Variants in PKD1 observed in about 807,000 individuals in gnomAD.
PKD1 encodes polycystin 1, transient receptor potential channel interacting.
In PKD1, 81 loss-of-function variants were observed where a neutral mutation model predicts 361.7. The observed-to-expected ratio is 0.22, with a 90% CI of 0.19 to 0.27. The LOEUF is 0.27. Ranked by LOEUF, PKD1 falls within the 10% of genes least tolerant of loss-of-function variation. PKD1 has a pLI of 1.00. For missense variants in PKD1, 6,399 were observed against 6,118.3 expected (o/e 1.05, Z -1.53); for synonymous variants, 3,615 against 2,818.3 (o/e 1.28, Z -8.95).
At position 2,111,014 on chromosome 16, in the gene PKD1, G is replaced by A. The variant is rs376217269; in HGVS notation, c.4153C>T (p.Leu1385=). 4.3e-5 allele frequency: 70 copies of A among 1,610,550 alleles called. No homozygotes were observed. Among genetic ancestry groups the A allele is most frequent in the Non-Finnish European group, 5.6e-5 (66 of 1,179,788 alleles). ...CVEPEVGNVT[L]QPERQFVQLG... is the part of the protein sequence containing the mutation. ...TGCACAAACTGCCTCTCTGGCTGCA[G>A]GGTGACGTTGCCCACCTCTGGCTCC... Residue 1385 remains leucine, a synonymous_variant, in exon 15 of 46, where the codon CTG becomes TTG. Coordinates refer to ENST00000262304, the MANE Select transcript of PKD1 (RefSeq NM_001009944.3).
In PKD1 at chr16:2,093,982, C is replaced by A; in HGVS notation, c.10650G>T (p.Leu3550=). 6.3e-7 allele frequency: 1 copy of A among 1,587,528 alleles called. No individual in the cohort carries two copies. The highest frequency in any genetic ancestry group is 8.5e-7 in the Non-Finnish European group (1 of 1,169,660). The change falls in exon 36 of 46, where the codon CTG becomes CTT. Residue 3550 remains leucine (L), a synonymous_variant. Coordinates refer to ENST00000262304, the MANE Select transcript of PKD1 (RefSeq NM_001009944.3). ...GLVEGLRKRL[L]PAWCASLAHG... The stretch of plus-strand genomic sequence containing the variant: ...GGGCCAGGGAGGCACACCAGGCCGG[C>A]AGCAGGCGCTTCCGCAGACCCTCCA...
At position 2,109,409 on chromosome 16, in the gene PKD1, G is replaced by C. The variant is rs185746648; in HGVS notation, c.5758C>G (p.Arg1920Gly). ...LLAAGSAVTF[R>G]LQVGGANPEV... ...GGGTTGGCCCCGCCGACCTGCAGGC[G>C]GAAGGTGACAGCTGAGCCGGCAGCC... Residue 1920 changes from arginine to glycine, a missense_variant, in exon 15 of 46, where the codon CGC becomes GGC. By Grantham distance (125) the Arg-to-Gly change is moderately radical. Transcript: ENST00000262304. The C allele has an allele frequency of 1.9e-5, 31 of 1,601,284 alleles. No homozygotes were observed. Among genetic ancestry groups the C allele is most frequent in the Middle Eastern group, 2.2e-4 (1 of 4,526 alleles).
intron 8 of PKD1, 68 bp from the exon 9 acceptor site, chr16:2,116,186 C>G: frequency 6.6e-7 from 1 of 1,517,816 alleles, no homozygotes; most frequent in Non-Finnish European, 8.9e-7. Context: ...CTCCCCCTAC[C>G]CGAACTTCCC....
chr16:2,117,476 T>C lies in PKD1; in HGVS notation c.1385+13A>G. ...TCCCAACCTATGGCCCCTCGGGGGG[T>C]GGGGGCAGGCACCTGGTGACCCGGG... On this transcript the variant is annotated intron_variant, in intron 6 of 45. Transcript: ENST00000262304. 4 of 1,453,130 alleles carry C rather than the reference T, an allele frequency of 2.8e-6. No individual in the cohort carries two copies. The highest frequency in any genetic ancestry group is 2.4e-5 in the East Asian group (1 of 40,934). 90.0% of individuals were successfully genotyped at this position (1,453,130 alleles called of 1,614,324 possible).
In PKD1 at chr16:2,103,517, T is replaced by C. The variant is rs768619368; in HGVS notation, c.8540A>G (p.Lys2847Arg). Residue 2847 changes from lysine to arginine, a missense_variant, in exon 23 of 46, where the codon AAG (lysine) becomes AGG (arginine). Physicochemically the swap from Lys to Arg is conservative, Grantham distance 26. Coordinates refer to ENST00000262304, the MANE Select transcript of PKD1 (RefSeq NM_001009944.3). ...GYISNYTVST[K>R]VASMAFQTQA... ...TGTCTGGAATGCCATCGAGGCCACC[T>C]TGGTGGAGACGGTGTAGTTGCTGAT... 2 of 1,606,324 alleles carry C rather than the reference T, an allele frequency of 1.2e-6. No homozygotes were observed. Among genetic ancestry groups the C allele is most frequent in the Non-Finnish European group, 1.7e-6 (2 of 1,179,708 alleles).
Position 2,117,494 on chromosome 16 carries a change from G to A in PKD1, c.1380C>T (p.Val460=). ...CGGGGGGTGGGGGCAGGCACCTGGT[G>A]ACCCGGGAGACCAGGAAGCGCTGCA... ...PAVQRFLVSR[V]TRSLDVWIGF... The change falls in exon 6 of 46, where the codon GTC becomes GTT. Residue 460 remains valine, a synonymous_variant. Coordinates refer to ENST00000262304, the MANE Select transcript of PKD1 (RefSeq NM_001009944.3). The A allele has an allele frequency of 1.3e-6, 2 of 1,529,294 alleles. No individual in the cohort carries two copies. Among genetic ancestry groups the A allele is most frequent in the South Asian group, 1.2e-5 (1 of 84,548 alleles). 94.7% of individuals were successfully genotyped at this position (1,529,294 alleles called of 1,614,324 possible). A position where few individuals can be genotyped will look rare whatever the true frequency, so the allele number is the denominator to read the frequency against.
rs143013095 is a variant in PKD1 at position 2,112,943 on chromosome 16, C to T, written c.3006G>A (p.Val1002=). ...CGTTGTAGTTCACGGTGACGTTGCT[C>T]ACGTGGTTGGAGGCCGTCAGCTGCA... ...FKLSLTASNH[V]SNVTVNYNVT... The change falls in exon 13 of 46, where the codon GTG becomes GTA. Residue 1002 remains valine, a synonymous_variant. Transcript: ENST00000262304. The T allele has an allele frequency of 4.4e-6, 7 of 1,601,998 alleles. No homozygotes were observed. In the East Asian group the frequency reaches 1.3e-4, roughly 31 times the overall value.
rs1441062873 is a variant in PKD1 at position 2,135,886 on chromosome 16, G to C, written c.-197C>G. 4.7e-6 allele frequency: 1 copy of C among 211,826 alleles called. No homozygotes were observed. The highest frequency in any genetic ancestry group is 8.1e-6 in the Non-Finnish European group (1 of 123,970). The allele number at this position is 211,826 out of a possible 1,614,324, so 13.1% of individuals were successfully genotyped here. On this transcript the variant is annotated 5_prime_UTR_variant, in exon 1 of 46. Transcript: ENST00000262304. The stretch of plus-strand genomic sequence containing the variant: ...GAGCTCGGCCGCCCGCTCGGACGCT[G>C]GCGCTGCAGTGCGGGCCCCGCCGCG...
intron 1 of PKD1, among the ~76,000 whole-genome samples, chr16:2,126,708 C>T (rs953928642): frequency 5.9e-5 from 9 of 152,252 alleles, no homozygotes; most frequent in East Asian, 1.9e-4. Flanking sequence ...GGGTGCTTGG[C>T]GGGCTGGGCT....
chr16:2,132,577 A>AC (rs1268647216), intron 1 of PKD1, among the ~76,000 whole-genome samples: 1 of 144,426 alleles, frequency 6.9e-6, no homozygotes, highest in Non-Finnish European at 1.5e-5. Flanking sequence ...TCCGTCTCAA[A>AC]AAAAAAAAAA....
rs1323560169 is a variant in PKD1, at chr16:2,109,058, C to T, written c.6109G>A (p.Glu2037Lys). The change falls in exon 15 of 46, where the codon GAG (glutamate) becomes AAG (lysine). Residue 2037 changes from glutamate to lysine, a missense_variant. Glu to Lys is a moderately conservative substitution (Grantham distance 56, BLOSUM62 1). Transcript: ENST00000262304. ...TYTPVAAGLL[E>K]IQVRAFNALG... is the part of the protein sequence containing the mutation. Reference sequence around the variant, plus strand: ...GCGTTGAAGGCGCGCACCTGGATCTCCAACAGCCCCGCGGCCACGGGCGTG... The same window carrying T: ...GCGTTGAAGGCGCGCACCTGGATCTTCAACAGCCCCGCGGCCACGGGCGTG... The T allele has an allele frequency of 6.2e-7, 1 of 1,606,650 alleles. No individual in the cohort carries two copies. The highest frequency in any genetic ancestry group is 1.3e-5 in the African/African-American group (1 of 74,830).
Position 2,112,916 on chromosome 16 carries a change from T to G in PKD1, c.3033A>C (p.Val1011=), listed in dbSNP as rs2369067. 6.2e-7 allele frequency: 1 copy of G among 1,605,798 alleles called. No homozygotes were observed. Among genetic ancestry groups the G allele is most frequent in the Non-Finnish European group, 8.5e-7 (1 of 1,179,772 alleles). Residue 1011 remains valine, a synonymous_variant, in exon 13 of 46, where the codon GTA becomes GTC. Transcript: ENST00000262304. ...HVSNVTVNYN[V]TVERMNRMQG... ...GCATCCTGTTCATCCGCTCCACGGTTACGTTGTAGTTCACGGTGACGTTGC... is the reference window on the plus strand; with the variant it reads ...GCATCCTGTTCATCCGCTCCACGGTGACGTTGTAGTTCACGGTGACGTTGC...
In PKD1 at chr16:2,091,005, C is replaced by A. The variant is rs978667086; in HGVS notation, c.11882G>T (p.Arg3961Leu). The A allele has an allele frequency of 5.9e-6, 9 of 1,534,080 alleles. No homozygotes were observed. The East Asian group carries it at 9.8e-5, about 17-fold the overall frequency. The change falls in exon 43 of 46, where the codon CGC becomes CTC. Residue 3961 changes from arginine (R) to leucine (L), a missense_variant. By Grantham distance (102) the Arg-to-Leu change is moderately radical. Transcript: ENST00000262304. Reference protein sequence around the residue: ...VRLAQLGAADRQWTRFVRGRP... With the variant: ...VRLAQLGAADLQWTRFVRGRP... ...GCCGCGCACGAAACGGGTCCACTGG[C>A]GGTCAGCGGCACCCAGCTGGGCGAG...
In PKD1 at chr16:2,105,408, T is replaced by C. The variant is rs2092303267; in HGVS notation, c.7930A>G (p.Lys2644Glu). 1.9e-6 allele frequency: 3 copies of C among 1,585,252 alleles called. No homozygotes were observed. The highest frequency in any genetic ancestry group is 2.6e-6 in the Non-Finnish European group (3 of 1,172,078). ...HERQHRAQIR[K>E]NITETLVSLR... ...GACACCAGAGTCTCCGTGATGTTCT[T>C]GCGTATCTGGGCTCGGTGCTGCCGC... Residue 2644 changes from lysine to glutamate, a missense_variant, in exon 21 of 46, where the codon AAG becomes GAG. Transcript: ENST00000262304.
chr16:2,127,552 T>C (rs1376634899), intron 1 of PKD1, among the ~76,000 whole-genome samples: 1 of 152,098 alleles, frequency 6.6e-6, no homozygotes, highest in East Asian at 1.9e-4. Context: ...TGTTACACTC[T>C]GCTCTGTGGC....
rs1271492008 is a variant in PKD1 at position 2,107,079 on chromosome 16, C to G, written c.7066-131G>C. The G allele has an allele frequency of 2.0e-5, 16 of 815,348 alleles. No individual in the cohort carries two copies. In the East Asian group the frequency reaches 3.4e-4, roughly 17 times the overall value. 50.5% of individuals were successfully genotyped at this position (815,348 alleles called of 1,614,324 possible). The stretch of plus-strand genomic sequence containing the variant: ...CCTGGCCACTGCCGGTGAGCTCACT[C>G]CCTCCCAGGATACTCATCCGGTTTG... On this transcript the variant is annotated intron_variant, in intron 16 of 45. Coordinates refer to ENST00000262304, the MANE Select transcript of PKD1 (RefSeq NM_001009944.3).
In PKD1 at chr16:2,088,882, C is replaced by CGCACAT. The variant is rs2091278095; in HGVS notation, c.*844_*845insATGTGC. On this transcript the variant is annotated 3_prime_UTR_variant, in exon 46 of 46. Transcript: ENST00000262304. ...CAGCACACTCGCGCGTGCGCGCGCGCACACACACACACACACAGTCACCTT... is the reference window on the plus strand; with the variant it reads ...CAGCACACTCGCGCGTGCGCGCGCGCGCACATACACACACACACACACAGTCACCTT... The CGCACAT allele has an allele frequency of 4.6e-6, 1 of 215,770 alleles. No homozygotes were observed. The highest frequency in any genetic ancestry group is 7.7e-5 in the Admixed American group (1 of 12,942). 13.4% of individuals were successfully genotyped at this position (215,770 alleles called of 1,614,324 possible).
chr16:2,120,963 G>A (rs1270151681), intron 1 of PKD1, among the ~76,000 whole-genome samples: 1 of 151,712 alleles, frequency 6.6e-6, no homozygotes. Flanking sequence ...GTTGCAGTGA[G>A]CCAAGATCAC....
rs2091451481 is a variant in PKD1, at chr16:2,090,566, G to A, written c.12163C>T (p.Leu4055Phe). 1.2e-6 allele frequency: 2 copies of A among 1,609,156 alleles called. No individual in the cohort carries two copies. Among genetic ancestry groups the A allele is most frequent in the East Asian group, 2.2e-5 (1 of 44,832 alleles). Residue 4055 changes from leucine to phenylalanine, a missense_variant, in exon 45 of 46, where the codon CTC becomes TTC. Transcript: ENST00000262304. Reference sequence around the variant, plus strand: ...AACAGGGCCTGGGCCACGCTCCAGAGGGAGTCCACACAGGAAGACACGAGC... The same window carrying A: ...AACAGGGCCTGGGCCACGCTCCAGAAGGAGTCCACACAGGAAGACACGAGC... ...ILLVSSCVDS[L>F]WSVAQALLVL...
Sources: gnomAD v4.1 joint callset for allele counts (sites outside exome capture counted in the v4.1 genomes callset) on GRCh38, gnomAD v4.1.1 for gene constraint, MANE v1.5 for transcripts, NCBI Gene and HGNC (gene_info 2026-07-23, HGNC 2026-07-21) for gene names.